PDE1C: variants seen among roughly 807,000 people sequenced by gnomAD.
The protein encoded by PDE1C is dual specificity calcium/calmodulin-dependent 3',5'-cyclic nucleotide phosphodiesterase 1C.
PDE1C carries 62 observed loss-of-function variants against 93.1 expected under a neutral mutation model. The observed-to-expected ratio is 0.67, with a 90% CI of 0.54 to 0.82. The LOEUF (loss-of-function observed/expected upper bound fraction) is 0.82, where lower values mean the gene tolerates loss of function less well. PDE1C is among the 40% of genes least tolerant of loss of function. The pLI is 0.00. For missense variants in PDE1C, 742 were observed against 884.6 expected, an observed-to-expected ratio of 0.84 and a Z score of 2.04; for synonymous variants, 325 against 310.1, an observed-to-expected ratio of 1.05 and a Z score of -0.50.
intron 2 of PDE1C, among the ~76,000 whole-genome samples, chr7:31,976,228 G>A (rs1811644788): frequency 6.6e-6 from 1 of 152,170 alleles, no homozygotes; most frequent in South Asian, 2.1e-4. Context: ...ATCTCTGTTT[G>A]CAATCCAATG....
At chr7:32,122,253 A>T (rs1799342902) in intron 3 of PDE1C, among the ~76,000 whole-genome samples, 1 of 152,148 alleles carries the variant, frequency 6.6e-6, no homozygotes, top group Non-Finnish European at 1.5e-5. Flanking sequence ...AGAGACTTAG[A>T]CTCCCAAACA....
chr7:31,968,625 G>A (rs1216309174), intron 2 of PDE1C, among the ~76,000 whole-genome samples: 1 of 151,986 alleles, frequency 6.6e-6, no homozygotes, highest in East Asian at 1.9e-4. Context: ...AGTTCATATG[G>A]AACCAAAAAA....
intron 1 of PDE1C, among the ~76,000 whole-genome samples, chr7:32,401,502 A>T (rs932088620): frequency 6.6e-6 from 1 of 151,544 alleles, no homozygotes; most frequent in Non-Finnish European, 1.5e-5. Context: ...ATGCCACTGC[A>T]CTCCAGCCTG....
intron 1 of PDE1C, among the ~76,000 whole-genome samples, chr7:32,260,415 G>A (rs577625208): frequency 5.9e-5 from 9 of 152,312 alleles, no homozygotes; most frequent in African/African-American, 1.7e-4. Context: ...GTGAGATGAC[G>A]TATGTGTGAA....
rs190902872 is a variant in PDE1C at position 32,409,202 on chromosome 7, T to A, written c.310+18620A>T. 1.6e-3 allele frequency among the ~76,000 whole-genome samples: 245 copies of A among 150,042 alleles called. 1 individual carries two copies. Among genetic ancestry groups the A allele is most frequent in the African/African-American group, 5.7e-3 (232 of 40,794 alleles). ...TGAAACCTCATCTCTAAAAAAAAAA[T>A]ACAAAAAATTAGGCTGGGCATGGTG... On this transcript the variant is annotated intron_variant, in intron 1 of 1. Coordinates refer to the PDE1C transcript ENST00000672256.
intron 2 of PDE1C, among the ~76,000 whole-genome samples, chr7:31,911,784 C>T (rs1013095745): frequency 1.3e-5 from 2 of 152,124 alleles, no homozygotes; most frequent in African/African-American, 4.8e-5. Flanking sequence ...AAATAAATTT[C>T]CCCCAAGTCA....
At chr7:31,725,335 G>C in the PDE1C span, among the ~76,000 whole-genome samples, 2 of 152,254 alleles carry the variant, frequency 1.3e-5, no homozygotes, top group South Asian at 2.1e-4. Flanking sequence ...CTAAAAATGA[G>C]TCCTCACAAC....
chr7:32,155,105 C>A (rs1286203187), intron 3 of PDE1C, among the ~76,000 whole-genome samples: 4 of 152,156 alleles, frequency 2.6e-5, no homozygotes, highest in Non-Finnish European at 5.9e-5. Flanking sequence ...AGAGACCTCA[C>A]TGAAAGGCAA....
In PDE1C at chr7:31,823,240, C is replaced by T. The variant is rs751346816; in HGVS notation, c.1415G>A (p.Ser472Asn). Reference protein sequence around the residue: ...GTGQRRSSLNSISSSDAKRSG... With the variant: ...GTGQRRSSLNNISSSDAKRSG... Reference sequence around the variant, plus strand: ...TCGCTTGGCATCTGACGAGCTGATGCTATTCAAACTGGAAAACAAAAAAAT... The same window carrying T: ...TCGCTTGGCATCTGACGAGCTGATGTTATTCAAACTGGAAAACAAAAAAAT... The change falls in exon 14 of 18, where the codon AGC (serine) becomes AAC (asparagine). Residue 472 changes from serine (S) to asparagine (N), a missense_variant. Around this residue, in one of 4 missense-constraint regions of PDE1C, gnomAD observed 454 missense variants for 459.4 expected, o/e 0.99. Coordinates refer to ENST00000396191, the MANE Select transcript of PDE1C (RefSeq NM_001191057.4). The T allele has an allele frequency of 5.6e-5, 90 of 1,600,786 alleles. No individual in the cohort carries two copies. The highest frequency in any genetic ancestry group is 7.5e-5 in the Non-Finnish European group (88 of 1,176,078).
At chr7:32,238,706 C>G (rs1211224799) in intron 1 of PDE1C, among the ~76,000 whole-genome samples, 1 of 152,004 alleles carries the variant, frequency 6.6e-6, no homozygotes, top group Non-Finnish European at 1.5e-5. Flanking sequence ...AGTAGACAGA[C>G]TAATGGAATG....
rs528538918 is a variant in PDE1C at position 32,377,240 on chromosome 7, G to C, written c.310+50582C>G. Among the ~76,000 whole-genome samples the C allele has an allele frequency of 1.9e-4, 29 of 152,312 alleles. No individual in the cohort carries two copies. In the East Asian group the frequency reaches 5.0e-3, roughly 26 times the overall value. On this transcript the variant is annotated intron_variant, in intron 1 of 1. Coordinates refer to the PDE1C transcript ENST00000672256. ...CAAGTGTGCCAAGCTGCATCTCTGG[G>C]AAAGAGTTCAGGAAACCTGATTATC...
At chr7:32,329,869 A>G (rs1420126975) in intron 1 of PDE1C, among the ~76,000 whole-genome samples, 1 of 152,170 alleles carries the variant, frequency 6.6e-6, no homozygotes, top group Non-Finnish European at 1.5e-5. Flanking sequence ...GTGGAAAGGA[A>G]CTCGAGATGG....
intron 2 of PDE1C, among the ~76,000 whole-genome samples, chr7:31,961,720 T>C (rs989193766): frequency 6.6e-6 from 1 of 152,190 alleles, no homozygotes. Flanking sequence ...TACGTATGTA[T>C]AACATTCCAT....
At chr7:32,117,464 A>G (rs1244086040) in intron 3 of PDE1C, among the ~76,000 whole-genome samples, 1 of 152,228 alleles carries the variant, frequency 6.6e-6, no homozygotes, top group Non-Finnish European at 1.5e-5. Flanking sequence ...AGACCTGCTC[A>G]AAATTATTAT....
At chr7:31,970,363 TG>T (rs1292572114) in intron 2 of PDE1C, among the ~76,000 whole-genome samples, 1 of 152,012 alleles carries the variant, frequency 6.6e-6, no homozygotes, top group Non-Finnish European at 1.5e-5. Context: ...TCTCAAATAG[TG>T]AAAACAACCA....
At chr7:32,055,363 C>T (rs1176551719) in intron 1 of PDE1C, among the ~76,000 whole-genome samples, 1 of 152,110 alleles carries the variant, frequency 6.6e-6, no homozygotes, top group Non-Finnish European at 1.5e-5. Flanking sequence ...TCACTTACAA[C>T]TCCTGCAAAC....
At chr7:31,969,855 A>G (rs1174007155) in intron 2 of PDE1C, among the ~76,000 whole-genome samples, 1 of 152,184 alleles carries the variant, frequency 6.6e-6, no homozygotes, top group African/African-American at 2.4e-5. Context: ...ACATCGATGA[A>G]GCTGGAAACC....
At chr7:31,955,891 A>C (rs2129021359) in intron 2 of PDE1C, among the ~76,000 whole-genome samples, 1 of 152,334 alleles carries the variant, frequency 6.6e-6, no homozygotes, top group Non-Finnish European at 1.5e-5. Context: ...GTCTTCCTTC[A>C]GAGGCAACAC....
At chr7:32,378,296 C>T (rs1437731173) in intron 1 of PDE1C, among the ~76,000 whole-genome samples, 2 of 152,172 alleles carry the variant, frequency 1.3e-5, no homozygotes, top group Non-Finnish European at 2.9e-5. Context: ...CTTGAAACCA[C>T]CTTTGTAAAA....
Sources: gnomAD v4.1 joint callset for allele counts (sites outside exome capture counted in the v4.1 genomes callset) on GRCh38, gnomAD v4.1.1 for gene constraint, gnomAD v4.1.1 regional missense constraint, MANE v1.5 for transcripts, NCBI Gene and HGNC (gene_info 2026-07-23, HGNC 2026-07-21) for gene names.